The following PTPRT variants were observed in gnomAD, a reference collection of about 807,000 sequenced individuals.
PTPRT encodes receptor-type tyrosine-protein phosphatase T.
In PTPRT, 56 loss-of-function variants were observed where a neutral mutation model predicts 176.8. That is an observed-to-expected ratio of 0.32 (90% CI 0.26 to 0.40). The LOEUF (loss-of-function observed/expected upper bound fraction) is 0.40. Among genes scored for constraint, PTPRT ranks in the 10% least tolerant of loss-of-function variants. PTPRT has a pLI of 1.00. For missense variants in PTPRT, 1,540 were observed against 1,908.2 expected (o/e 0.81, Z 3.60); for synonymous variants, 783 against 739.0 (o/e 1.06, Z -0.96).
intron 7 of PTPRT, among the ~76,000 whole-genome samples, chr20:42,601,219 G>A (rs7274157): frequency 0.25 from 38,009 of 152,070 alleles, 5,138 homozygotes; most frequent in Non-Finnish European, 0.3. Context: ...CTTTCAGAAT[G>A]AAATTTGAGG....
chr20:42,914,957 C>T (rs954144825), intron 1 of PTPRT, among the ~76,000 whole-genome samples: 4 of 151,962 alleles, frequency 2.6e-5, no homozygotes, highest in Admixed American at 1.3e-4. Context: ...GCTAGGGTAC[C>T]CTTTACCATT....
At chr20:42,399,236 G>T (rs1474991346) in intron 9 of PTPRT, among the ~76,000 whole-genome samples, 4 of 152,372 alleles carry the variant, frequency 2.6e-5, no homozygotes, top group Non-Finnish European at 4.4e-5. Flanking sequence ...AGGGGCATGG[G>T]CATGGGCATA....
intron 12 of PTPRT, among the ~76,000 whole-genome samples, chr20:42,286,491 T>C (rs1255274829): frequency 6.6e-6 from 1 of 151,926 alleles, no homozygotes; most frequent in African/African-American, 2.4e-5. Context: ...GAAAGGACAG[T>C]GTCTTCAATA....
At chr20:42,613,894 C>G (rs567805199) in intron 7 of PTPRT, among the ~76,000 whole-genome samples, 8 of 149,328 alleles carry the variant, frequency 5.4e-5, no homozygotes, top group Middle Eastern at 3.5e-3. Context: ...CCTTCACAAC[C>G]ACTTGAAGGG....
rs978750935 is a variant in PTPRT at position 42,543,799 on chromosome 20, G to A, written c.1154-71237C>T. On this transcript the variant is annotated intron_variant, in intron 7 of 30. Coordinates refer to ENST00000373187, the MANE Select transcript of PTPRT (RefSeq NM_007050.6). The stretch of plus-strand genomic sequence containing the variant: ...TGTAGAATGGATATTGTGTTAGCAG[G>A]CATGAAAACAACGTTAATCTTTTTG... Among the ~76,000 whole-genome samples, 42 of 152,052 alleles carry A rather than the reference G, an allele frequency of 2.8e-4. 1 individual carries two copies. Among genetic ancestry groups the A allele is most frequent in the Non-Finnish European group, 1.2e-4 (8 of 68,024 alleles).
intron 1 of PTPRT, among the ~76,000 whole-genome samples, chr20:43,132,739 A>G (rs756442154): frequency 2.4e-4 from 37 of 152,216 alleles, no homozygotes; most frequent in South Asian, 1.0e-3. Flanking sequence ...AACTAGACAC[A>G]GGCCAATATG....
At chr20:43,180,675 T>C (rs1308695105) in intron 1 of PTPRT, among the ~76,000 whole-genome samples, 2 of 152,054 alleles carry the variant, frequency 1.3e-5, no homozygotes, top group African/African-American at 4.8e-5. Context: ...GTTGGCCAGG[T>C]TGGTCTCGAA....
intron 7 of PTPRT, among the ~76,000 whole-genome samples, chr20:42,601,913 C>T (rs8114932): frequency 0.25 from 37,922 of 151,862 alleles, 5,093 homozygotes; most frequent in Non-Finnish European, 0.3. Flanking sequence ...AGGTCTGTGC[C>T]GGGCAGGATG....
At chr20:42,841,567 C>T (rs1248591328) in intron 2 of PTPRT, among the ~76,000 whole-genome samples, 2 of 150,612 alleles carry the variant, frequency 1.3e-5, no homozygotes, top group Admixed American at 1.3e-4. Flanking sequence ...AGCTTCATAA[C>T]AGTTTGCGTC....
intron 7 of PTPRT, among the ~76,000 whole-genome samples, chr20:42,557,183 T>C (rs1287591349): frequency 2.0e-5 from 3 of 152,156 alleles, no homozygotes; most frequent in Non-Finnish European, 4.4e-5. Context: ...AACTCATTCA[T>C]TGATTCCTTC....
chr20:42,213,463 T>A (rs1239980982), intron 15 of PTPRT, among the ~76,000 whole-genome samples: 1 of 152,188 alleles, frequency 6.6e-6, no homozygotes, highest in Non-Finnish European at 1.5e-5. Context: ...AAATGATTGT[T>A]ATGGATTGAA....
chr20:43,110,293 T>C (rs376034046), intron 1 of PTPRT, among the ~76,000 whole-genome samples: 1 of 152,152 alleles, frequency 6.6e-6, no homozygotes, highest in South Asian at 2.1e-4. Flanking sequence ...AGGCAATTAA[T>C]CCATTCATGA....
At chr20:42,526,534 A>C (rs138329251) in intron 7 of PTPRT, among the ~76,000 whole-genome samples, 1 of 152,148 alleles carries the variant, frequency 6.6e-6, no homozygotes, top group East Asian at 1.9e-4. Context: ...TTTTGGTAGA[A>C]AAGATAATTG....
intron 1 of PTPRT, among the ~76,000 whole-genome samples, chr20:42,966,745 A>T (rs373406468): frequency 1.0e-3 from 156 of 152,350 alleles, no homozygotes; most frequent in African/African-American, 3.5e-3. Context: ...AAAAACAAAA[A>T]TAGAGCAAGG....
At chr20:42,870,473 T>C (rs2078825525) in intron 2 of PTPRT, among the ~76,000 whole-genome samples, 2 of 152,250 alleles carry the variant, frequency 1.3e-5, no homozygotes, top group Admixed American at 6.5e-5. Context: ...AACGAGTGTG[T>C]AAATATATTT....
At chr20:43,027,216 G>A (rs574329990) in intron 1 of PTPRT, among the ~76,000 whole-genome samples, 28 of 152,194 alleles carry the variant, frequency 1.8e-4, no homozygotes, top group African/African-American at 4.1e-4. Flanking sequence ...GGTGATTCAC[G>A]CCTGTAATCC....
chr20:43,144,834 C>T (rs772663284), intron 1 of PTPRT, among the ~76,000 whole-genome samples: 103 of 152,170 alleles, frequency 6.8e-4, no homozygotes, highest in Non-Finnish European at 1.1e-3. Context: ...CACAACACAT[C>T]ACTGCTTAAA....
intron 1 of PTPRT, among the ~76,000 whole-genome samples, chr20:43,073,514 G>GTATA (rs146257841): frequency 6.6e-6 from 1 of 150,846 alleles, no homozygotes; most frequent in East Asian, 2.0e-4. Context: ...ACACACGTGT[G>GTATA]TATATATATA....
intron 6 of PTPRT, among the ~76,000 whole-genome samples, chr20:42,735,624 C>G (rs111424688): frequency 1.2e-3 from 182 of 152,326 alleles, no homozygotes; most frequent in African/African-American, 4.2e-3. Context: ...CTATGTCCCC[C>G]ACACATTGAA....
Sources: gnomAD v4.1 joint callset for allele counts (sites outside exome capture counted in the v4.1 genomes callset) on GRCh38, gnomAD v4.1.1 for gene constraint, MANE v1.5 for transcripts, NCBI Gene and HGNC (gene_info 2026-07-23, HGNC 2026-07-21) for gene names.